ARID1B: variants seen among roughly 807,000 people sequenced by gnomAD.
ARID1B encodes AT-rich interactive domain-containing protein 1B.
Under a neutral mutation model 212.3 loss-of-function variants are expected in ARID1B, and 30 were observed. The ratio of observed to expected loss-of-function variants is 0.14; its 90% CI spans 0.11 to 0.19. The LOEUF (loss-of-function observed/expected upper bound fraction) is 0.19, where lower values mean the gene tolerates loss of function less well. Ranked by LOEUF, ARID1B falls within the 10% of genes least tolerant of loss-of-function variation. ARID1B has a pLI of 1.00. For synonymous variants in ARID1B, 1,402 were observed against 1,301.7 expected (o/e 1.08, Z -1.66); for missense variants, 2,891 against 3,204.0 (o/e 0.90, Z 2.36).
In ARID1B at chr6:157,207,087, C is replaced by T. The variant is rs551034452; in HGVS notation, c.6315C>T (p.His2105=). 8.9e-5 allele frequency: 143 copies of T among 1,614,092 alleles called. No individual in the cohort carries two copies. The highest frequency in any genetic ancestry group is 1.2e-4 in the Non-Finnish European group (136 of 1,180,052). Residue 2105 remains histidine, a synonymous_variant, in exon 20 of 20, where the codon CAC becomes CAT. Transcript: ENST00000636930. This position sits in a 1 kb window ranked among gnomAD's most constrained non-coding sequence, Gnocchi z 8.5. ...VLILGKLILL[H]HEHPERKRAP... ...TCCTGGGGAAGCTGATTCTTCTTCA[C>T]CACGAGCATCCAGAGAGAAAGCGAG...
chr6:157,010,326 TGTTTTGGTTTG>T (rs1160039079), intron 4 of ARID1B, among the ~76,000 whole-genome samples: 1 of 150,486 alleles, frequency 6.6e-6, no homozygotes, highest in Non-Finnish European at 1.5e-5. Context: ...TGTTTTGGTT[TGTTTTGGTTTG>T]GTTTTGAGAT....
At chr6:156,793,944 A>G (rs1696155346) in intron 1 of ARID1B, among the ~76,000 whole-genome samples, 2 of 152,248 alleles carry the variant, frequency 1.3e-5, no homozygotes, top group Admixed American at 6.5e-5. Context: ...AAGCATCATC[A>G]TTATCTCTAT....
At chr6:156,996,793 T>G (rs1160133551) in intron 4 of ARID1B, among the ~76,000 whole-genome samples, 1 of 152,206 alleles carries the variant, frequency 6.6e-6, no homozygotes, top group Non-Finnish European at 1.5e-5. Context: ...GAATTGCAGT[T>G]TTACAATTGC....
intron 3 of ARID1B, among the ~76,000 whole-genome samples, chr6:156,909,125 T>C (rs1443906468): frequency 8.4e-5 from 9 of 106,696 alleles, no homozygotes; most frequent in East Asian, 3.6e-4. Context: ...TTCTTTCTCT[T>C]TTTTTTTTTT....
At chr6:156,912,876 A>C (rs1790008953) in intron 3 of ARID1B, among the ~76,000 whole-genome samples, 1 of 152,118 alleles carries the variant, frequency 6.6e-6, no homozygotes, top group Non-Finnish European at 1.5e-5. Flanking sequence ...CCCCAAACAA[A>C]ACAAAACAAA....
chr6:157,134,341 T>C (rs1788766767), intron 7 of ARID1B, among the ~76,000 whole-genome samples: 1 of 152,268 alleles, frequency 6.6e-6, no homozygotes, highest in South Asian at 2.1e-4. Flanking sequence ...TTAAACAGTT[T>C]CAGTGCTACC....
chr6:156,838,705 A>G (rs1311588391), intron 2 of ARID1B, among the ~76,000 whole-genome samples: 1 of 68,594 alleles, frequency 1.5e-5, no homozygotes, highest in Admixed American at 1.3e-4. Context: ...CCTAGAACTT[A>G]AAGTATAATA....
At chr6:157,023,963 T>G (rs1296481842) in intron 4 of ARID1B, 3 of 152,250 alleles carry the variant, frequency 2.0e-5, no homozygotes, top group South Asian at 2.1e-4. Context: ...TTCTTTAAAC[T>G]TTCACCAATT....
chr6:157,201,462 G>A lies in ARID1B; in HGVS notation c.5237G>A (p.Arg1746Lys), dbSNP rs1463476361. 3 of 1,507,610 alleles carry A rather than the reference G, an allele frequency of 2.0e-6. No individual in the cohort carries two copies. Among genetic ancestry groups the A allele is most frequent in the Non-Finnish European group, 2.7e-6 (3 of 1,127,064 alleles). The allele number at this position is 1,507,610 out of a possible 1,614,324, so 93.4% of individuals were successfully genotyped here. A position where few individuals can be genotyped will look rare whatever the true frequency, so the allele number is the denominator to read the frequency against. ...GCATCACAACCAGTCTTGAAACAAAGGCGAAAGATTACCTCCAAAGATATC... is the reference window on the plus strand; with the variant it reads ...GCATCACAACCAGTCTTGAAACAAAAGCGAAAGATTACCTCCAAAGATATC... ...VEASQPVLKQ[R>K]RKITSKDIVT... Residue 1746 changes from arginine (R) to lysine (K), a missense_variant, in exon 18 of 20, where the codon AGG (arginine) becomes AAG (lysine). This residue lies in a region of ARID1B where 666 missense variants were observed against 873.5 expected (regional missense o/e 0.76). Coordinates refer to ENST00000636930, the MANE Select transcript of ARID1B (RefSeq NM_001374828.1). The surrounding 1 kb of genome is among the most constrained non-coding windows in gnomAD (Gnocchi z 5.2).
intron 13 of ARID1B, chr6:157,185,139 C>T (rs1482030379): frequency 1.3e-5 from 2 of 152,486 alleles, no homozygotes; most frequent in Non-Finnish European, 1.5e-5. Context: ...GACAGAGACC[C>T]TCCCATTCCT....
intron 8 of ARID1B, among the ~76,000 whole-genome samples, chr6:157,162,343 T>G (rs149735186): frequency 0.011 from 1,638 of 152,382 alleles, 22 homozygotes; most frequent in African/African-American, 0.03. Context: ...CTTTCTGTTT[T>G]CACACTGAAC....
rs142104219 is a variant in ARID1B, at chr6:156,875,645, A to T, written c.1987-25731A>T. On this transcript the variant is annotated intron_variant, in intron 2 of 19. Coordinates refer to ENST00000636930, the MANE Select transcript of ARID1B (RefSeq NM_001374828.1). ...AGATGCGAGTCTCTGTTCAGATTTAAACAGTTCATGCCTTTTCAGTGAGCT... is the reference window on the plus strand; with the variant it reads ...AGATGCGAGTCTCTGTTCAGATTTATACAGTTCATGCCTTTTCAGTGAGCT... Among the ~76,000 whole-genome samples the T allele has an allele frequency of 1.3e-3, 192 of 152,338 alleles. 2 individuals carry two copies. Among genetic ancestry groups the T allele is most frequent in the African/African-American group, 4.4e-3 (183 of 41,578 alleles).
intron 6 of ARID1B, among the ~76,000 whole-genome samples, chr6:157,112,936 T>C (rs1390917809): frequency 1.3e-5 from 2 of 152,120 alleles, no homozygotes; most frequent in Admixed American, 6.5e-5. Flanking sequence ...TTTTTTTTTT[T>C]TGGAGATGGA....
chr6:156,878,008 G>C (rs572354957), intron 2 of ARID1B, among the ~76,000 whole-genome samples: 2 of 152,006 alleles, frequency 1.3e-5, no homozygotes, highest in Non-Finnish European at 2.9e-5. Flanking sequence ...GAACCACCGC[G>C]TCTGGCCCAT....
chr6:156,978,889 G>C (rs1302094068), intron 4 of ARID1B, among the ~76,000 whole-genome samples: 1 of 152,058 alleles, frequency 6.6e-6, no homozygotes, highest in African/African-American at 2.4e-5. Flanking sequence ...TATTCCATTT[G>C]TTCCAAATTT....
At chr6:157,051,900 G>T (rs6938412) in intron 4 of ARID1B, among the ~76,000 whole-genome samples, 5,019 of 152,140 alleles carry the variant, frequency 0.033, 274 homozygotes, top group African/African-American at 0.11. Context: ...TTTCATAAAA[G>T]TATTTAAAAT....
At position 156,974,155 on chromosome 6, in the gene ARID1B, T is replaced by A. The variant is rs1206422388; in HGVS notation, c.2247+38579T>A. ...TTACTATTTATATTTCATTTATATC[T>A]GTGTACATTTTATTTTTTTAATAGC... On this transcript the variant is annotated intron_variant, in intron 4 of 19. Transcript: ENST00000636930. 4.6e-5 allele frequency among the ~76,000 whole-genome samples: 7 copies of A among 152,242 alleles called. 1 individual carries two copies. Among genetic ancestry groups the A allele is most frequent in the Non-Finnish European group, 8.8e-5 (6 of 68,040 alleles).
At chr6:156,844,802 T>C (rs1784119970) in intron 2 of ARID1B, among the ~76,000 whole-genome samples, 1 of 152,264 alleles carries the variant, frequency 6.6e-6, no homozygotes, top group Non-Finnish European at 1.5e-5. Context: ...TAACTGTCTG[T>C]AGTTGAGTCA....
rs967879585 is a variant in ARID1B at position 157,094,645 on chromosome 6, G to A, written c.2491+9740G>A. On this transcript the variant is annotated intron_variant, in intron 5 of 19. Transcript: ENST00000636930. This position sits in a 1 kb window ranked among gnomAD's most constrained non-coding sequence, Gnocchi z 4.3. Reference sequence around the variant, plus strand: ...GCTAGGATTACAGGCGTGAGCCACCGCGCCTGGCCGATTTAGGAGTTTAAG... The same window carrying A: ...GCTAGGATTACAGGCGTGAGCCACCACGCCTGGCCGATTTAGGAGTTTAAG... 2.6e-5 allele frequency among the ~76,000 whole-genome samples: 4 copies of A among 152,266 alleles called. No individual in the cohort carries two copies. Among genetic ancestry groups the A allele is most frequent in the Admixed American group, 1.3e-4 (2 of 15,308 alleles).
Sources: allele counts gnomAD v4.1 joint callset (sites outside exome capture counted in the v4.1 genomes callset), GRCh38; gene constraint gnomAD v4.1.1; regional missense constraint gnomAD v4.1.1; non-coding constraint Gnocchi (gnomAD v3.1); transcripts MANE v1.5; gene names NCBI Gene and HGNC (gene_info 2026-07-23, HGNC 2026-07-21).